The following RNF24 variants were observed in gnomAD, a reference collection of about 807,000 sequenced individuals.
The protein encoded by RNF24 is ring finger protein 24.
Under a neutral mutation model 20.0 loss-of-function variants are expected in RNF24, and 14 were observed. The ratio of observed to expected loss-of-function variants is 0.70; its 90% CI spans 0.46 to 1.10. RNF24 has a LOEUF of 1.10. Among genes scored for constraint, RNF24 ranks in the 50% least tolerant of loss-of-function variants. RNF24 has a pLI of 0.00. For missense variants in RNF24, 124 were observed against 177.6 expected (o/e 0.70, Z 1.71); for synonymous variants, 45 against 61.1 (o/e 0.74, Z 1.23).
chr20:3,939,207 T>G (rs2090926277), intron 4 of RNF24, among the ~76,000 whole-genome samples: 1 of 152,250 alleles, frequency 6.6e-6, no homozygotes, highest in Admixed American at 6.5e-5. Context: ...TTGCCCAGGC[T>G]GGTCTCAAAT....
chr20:4,012,872 A>C (rs1982574054), intron 1 of RNF24, among the ~76,000 whole-genome samples: 1 of 152,148 alleles, frequency 6.6e-6, no homozygotes, highest in Non-Finnish European at 1.5e-5. Context: ...CGGTTATGCT[A>C]CTCTGTTTAT....
At chr20:3,967,454 A>C (rs1198814259) in intron 1 of RNF24, among the ~76,000 whole-genome samples, 2 of 152,216 alleles carry the variant, frequency 1.3e-5, no homozygotes, top group African/African-American at 4.8e-5. Context: ...CAAAACAAAA[A>C]AAAAAGACAA....
intron 1 of RNF24, chr20:3,974,318 G>A: frequency 6.5e-7 from 1 of 1,550,122 alleles, no homozygotes; most frequent in Non-Finnish European, 8.7e-7. Context: ...AATTGTGAAA[G>A]ACTGAATACT....
intron 1 of RNF24, among the ~76,000 whole-genome samples, chr20:3,985,638 T>C (rs1979821435): frequency 6.6e-6 from 1 of 152,184 alleles, no homozygotes; most frequent in Non-Finnish European, 1.5e-5. Flanking sequence ...TGAATATTTT[T>C]TAAAAATTCA....
At chr20:3,977,852 A>G in intron 1 of RNF24, among the ~76,000 whole-genome samples, 1 of 144,642 alleles carries the variant, frequency 6.9e-6, no homozygotes, top group East Asian at 2.2e-4. Context: ...CGACACAGCG[A>G]GACTCCGTCT....
At chr20:4,010,297 C>A (rs1478779410) in intron 1 of RNF24, among the ~76,000 whole-genome samples, 1 of 151,820 alleles carries the variant, frequency 6.6e-6, no homozygotes, top group Non-Finnish European at 1.5e-5. Flanking sequence ...TGCTTGAACC[C>A]GGGAAGCAGA....
At chr20:4,008,893 T>A (rs1217009603) in intron 1 of RNF24, among the ~76,000 whole-genome samples, 1 of 152,078 alleles carries the variant, frequency 6.6e-6, no homozygotes, top group African/African-American at 2.4e-5. Flanking sequence ...AAATGTAACA[T>A]AGGGCAAAAT....
chr20:3,957,489 AAAAT>A (rs2091156377), intron 2 of RNF24, among the ~76,000 whole-genome samples: 1 of 151,518 alleles, frequency 6.6e-6, no homozygotes, highest in South Asian at 2.1e-4. Context: ...ATAAAAATAA[AAAAT>A]AAATAAAATG....
intron 1 of RNF24, among the ~76,000 whole-genome samples, chr20:3,996,106 A>G (rs959871596): frequency 2.0e-5 from 3 of 152,210 alleles, no homozygotes; most frequent in African/African-American, 4.8e-5. Context: ...ATGAAGCTGT[A>G]CAAGATATAT....
At chr20:3,966,554 G>A (rs983478234) in intron 1 of RNF24, among the ~76,000 whole-genome samples, 4 of 146,586 alleles carry the variant, frequency 2.7e-5, no homozygotes, top group African/African-American at 7.5e-5. Context: ...ATACCATAAA[G>A]GAAGCCTTGA....
intron 1 of RNF24, among the ~76,000 whole-genome samples, chr20:4,014,634 A>C (rs1982731653): frequency 6.6e-6 from 1 of 152,074 alleles, no homozygotes; most frequent in South Asian, 2.1e-4. Flanking sequence ...CAGGTAAAGA[A>C]TTGGGTAAAG....
chr20:3,939,535 G>A (rs2090931034), intron 4 of RNF24, among the ~76,000 whole-genome samples: 1 of 152,158 alleles, frequency 6.6e-6, no homozygotes, highest in Non-Finnish European at 1.5e-5. Flanking sequence ...TGGACTTGCA[G>A]TTCTATTCCA....
At chr20:3,989,213 C>T (rs556281675) in intron 1 of RNF24, among the ~76,000 whole-genome samples, 1 of 152,126 alleles carries the variant, frequency 6.6e-6, no homozygotes, top group South Asian at 2.1e-4. Context: ...AAAACCTGGC[C>T]GGGCACGGTG....
chr20:4,010,893 C>T (rs757290680), intron 1 of RNF24, among the ~76,000 whole-genome samples: 13 of 152,206 alleles, frequency 8.5e-5, no homozygotes, highest in South Asian at 2.1e-4. Context: ...CCAAAACGTT[C>T]GGGGGAGAAT....
intron 1 of RNF24, among the ~76,000 whole-genome samples, chr20:3,975,500 G>A (rs187613017): frequency 4.5e-3 from 683 of 152,218 alleles, no homozygotes; most frequent in Middle Eastern, 0.017. Context: ...TTTGCAAACC[G>A]TATGCCTGAT....
In RNF24 at chr20:3,927,806, TGAGAA is replaced by T. The variant is rs913885520; in HGVS notation, c.*6252_*6256del. On this transcript the variant is annotated 3_prime_UTR_variant, in exon 6 of 6. Coordinates refer to ENST00000358395, the MANE Select transcript of RNF24 (RefSeq NM_001134337.3). Reference sequence around the variant, plus strand: ...CAGGCTTGGGACTGGCAAAGGGAGCTGAGAAGAGAGTTCCCCCAAAGCACAAACAA... The same window carrying T: ...CAGGCTTGGGACTGGCAAAGGGAGCTGAGAGTTCCCCCAAAGCACAAACAA... 9 of 152,302 alleles carry T rather than the reference TGAGAA, an allele frequency of 5.9e-5. No homozygotes were observed. Among genetic ancestry groups the T allele is most frequent in the Non-Finnish European group, 1.2e-4 (8 of 68,066 alleles). The allele number at this position is 152,302 out of a possible 1,614,324, so 9.4% of individuals were successfully genotyped here. A position where few individuals can be genotyped will look rare whatever the true frequency, so the allele number is the denominator to read the frequency against.
chr20:3,947,194 A>G (rs1463707876), intron 3 of RNF24, among the ~76,000 whole-genome samples: 2 of 152,144 alleles, frequency 1.3e-5, no homozygotes. Context: ...CTCCGTCTCA[A>G]AAACAAACAA....
chr20:3,955,909 C>T (rs899023222), intron 2 of RNF24, among the ~76,000 whole-genome samples: 1 of 151,984 alleles, frequency 6.6e-6, no homozygotes, highest in Non-Finnish European at 1.5e-5. Flanking sequence ...GGGATTGTTT[C>T]CTTTATTTCC....
intron 1 of RNF24, among the ~76,000 whole-genome samples, chr20:3,967,981 A>G (rs1330696665): frequency 1.3e-5 from 2 of 149,266 alleles, no homozygotes; most frequent in South Asian, 4.2e-4. Flanking sequence ...AACAAAAAAA[A>G]AAAAAAAAAA....
Sources: gnomAD v4.1 joint callset for allele counts (sites outside exome capture counted in the v4.1 genomes callset) on GRCh38, gnomAD v4.1.1 for gene constraint, MANE v1.5 for transcripts, NCBI Gene and HGNC (gene_info 2026-07-23, HGNC 2026-07-21) for gene names.